Variants in FHIT observed in about 807,000 individuals in gnomAD.
The protein encoded by FHIT is fragile histidine triad diadenosine triphosphatase, also known as bis(5'-adenosyl)-triphosphatase.
A neutral mutation model predicts 17.9 loss-of-function variants in FHIT; 19 were observed. The observed-to-expected ratio is 1.06, with a 90% CI of 0.74 to 1.56. FHIT has a LOEUF of 1.56. Among genes scored for constraint, FHIT ranks in the 40% most tolerant of loss-of-function variants. The pLI, the probability that FHIT is intolerant of heterozygous loss-of-function variation, is 0.00. For missense variants in FHIT, 248 were observed against 189.2 expected, an observed-to-expected ratio of 1.31 and a Z score of -1.82; for synonymous variants, 81 against 69.7, an observed-to-expected ratio of 1.16 and a Z score of -0.81.
At chr3:60,235,576 C>T (rs1704740576) in intron 5 of FHIT, among the ~76,000 whole-genome samples, 1 of 152,122 alleles carries the variant, frequency 6.6e-6, no homozygotes, top group Non-Finnish European at 1.5e-5. Context: ...GTTTGAGAAA[C>T]TCAAGAAGGA....
intron 5 of FHIT, among the ~76,000 whole-genome samples, chr3:60,499,402 G>C (rs1292031589): frequency 6.6e-6 from 1 of 151,976 alleles, no homozygotes; most frequent in Non-Finnish European, 1.5e-5. Flanking sequence ...ACAGGTCTTC[G>C]TGTTTTTGAA....
At chr3:60,562,291 G>A (rs1377020876) in intron 4 of FHIT, among the ~76,000 whole-genome samples, 1 of 152,114 alleles carries the variant, frequency 6.6e-6, no homozygotes, top group Non-Finnish European at 1.5e-5. Flanking sequence ...CTGATCCAGG[G>A]GGAAAAGACT....
intron 5 of FHIT, among the ~76,000 whole-genome samples, chr3:60,251,458 TAC>T (rs1705707694): frequency 6.6e-6 from 1 of 152,172 alleles, no homozygotes; most frequent in African/African-American, 2.4e-5. Context: ...GAAAAATAAT[TAC>T]AGTTAGTTGT....
chr3:60,307,601 G>A (rs1044136889), intron 5 of FHIT, among the ~76,000 whole-genome samples: 1 of 152,158 alleles, frequency 6.6e-6, no homozygotes, highest in Non-Finnish European at 1.5e-5. Flanking sequence ...TATCCTTGAT[G>A]TCTCACAGGT....
intron 8 of FHIT, among the ~76,000 whole-genome samples, chr3:59,865,035 A>G (rs1702580640): frequency 6.6e-6 from 1 of 152,138 alleles, no homozygotes; most frequent in Non-Finnish European, 1.5e-5. Context: ...GAAACTGCCC[A>G]TTTCTGACTC....
chr3:59,991,712 C>T (rs1709242422), intron 7 of FHIT, among the ~76,000 whole-genome samples: 2 of 152,034 alleles, frequency 1.3e-5, no homozygotes, highest in Admixed American at 1.3e-4. Context: ...TTTTTATGCT[C>T]AGACCCTGCA....
At chr3:60,689,353 T>C (rs1553699123) in intron 4 of FHIT, among the ~76,000 whole-genome samples, 3 of 152,296 alleles carry the variant, frequency 2.0e-5, no homozygotes, top group East Asian at 1.9e-4. Context: ...ATACTGAATA[T>C]GTACAGACAT....
intron 5 of FHIT, among the ~76,000 whole-genome samples, chr3:60,328,683 A>T (rs1409702253): frequency 6.6e-6 from 1 of 152,208 alleles, no homozygotes; most frequent in Admixed American, 6.5e-5. Flanking sequence ...AAAACTTCAG[A>T]TTCCATACAC....
chr3:60,727,228 C>G (rs1330601929), intron 4 of FHIT, among the ~76,000 whole-genome samples: 2 of 151,998 alleles, frequency 1.3e-5, no homozygotes, highest in Admixed American at 6.5e-5. Context: ...GTAATAAAAG[C>G]TCACAATATA....
intron 2 of FHIT, among the ~76,000 whole-genome samples, chr3:61,193,388 C>T (rs796840226): frequency 9.9e-5 from 15 of 152,270 alleles, no homozygotes; most frequent in African/African-American, 3.4e-4. Context: ...GGCCTTGAAG[C>T]CACAGCGAAA....
At chr3:61,017,043 T>C (rs1390842852) in intron 3 of FHIT, among the ~76,000 whole-genome samples, 2 of 152,232 alleles carry the variant, frequency 1.3e-5, no homozygotes, top group East Asian at 3.9e-4. Context: ...TCCCAGCACT[T>C]TGGGAGGCCG....
intron 3 of FHIT, among the ~76,000 whole-genome samples, chr3:60,922,608 C>A (rs578232304): frequency 6.6e-6 from 1 of 152,246 alleles, no homozygotes; most frequent in East Asian, 1.9e-4. Flanking sequence ...TCTATCTGCT[C>A]AAATTTTTAA....
chr3:60,657,878 T>A (rs2040154372), intron 4 of FHIT, among the ~76,000 whole-genome samples: 1 of 152,212 alleles, frequency 6.6e-6, no homozygotes, highest in Non-Finnish European at 1.5e-5. Flanking sequence ...GATCCAATTT[T>A]TCTGCATCCT....
chr3:60,344,762 C>T (rs370455890), intron 5 of FHIT, among the ~76,000 whole-genome samples: 4 of 152,002 alleles, frequency 2.6e-5, no homozygotes, highest in East Asian at 1.9e-4. Context: ...ATAAGCCACA[C>T]GAAAACTGTA....
Position 60,578,739 on chromosome 3 carries a change from C to G in FHIT, c.-17-41760G>C, listed in dbSNP as rs117066644. 2.5e-3 allele frequency among the ~76,000 whole-genome samples: 376 copies of G among 152,130 alleles called. 6 individuals are homozygous for G. In the East Asian group the frequency reaches 0.044, roughly 18 times the overall value. ...TATTGCTGATCCTAATGTTAATATT[C>G]TAAAATAAATGAAACATTTTTGAAG... On this transcript the variant is annotated intron_variant, in intron 4 of 9. Transcript: ENST00000492590.
rs541884097 is a variant in FHIT at position 60,088,918 on chromosome 3, C to T, written c.104-74766G>A. The stretch of plus-strand genomic sequence containing the variant: ...TTTATTAAATGAAAAAATACCCAGA[C>T]TTGGTTAGGAAAGACTATGTAAGGC... On this transcript the variant is annotated intron_variant, in intron 5 of 9. Coordinates refer to ENST00000492590, the MANE Select transcript of FHIT (RefSeq NM_002012.4). Among the ~76,000 whole-genome samples the T allele has an allele frequency of 7.5e-4, 114 of 152,252 alleles. 2 individuals carry two copies. The highest frequency in any genetic ancestry group is 7.5e-3 in the Admixed American group (114 of 15,300).
chr3:60,018,339 C>G (rs13070043), intron 5 of FHIT, among the ~76,000 whole-genome samples: 1 of 152,172 alleles, frequency 6.6e-6, no homozygotes, highest in Non-Finnish European at 1.5e-5. Flanking sequence ...CCATTAGACC[C>G]TACCGCCAAC....
chr3:59,849,225 T>G (rs548656777), intron 8 of FHIT, among the ~76,000 whole-genome samples: 1 of 152,022 alleles, frequency 6.6e-6, no homozygotes, highest in East Asian at 1.9e-4. Flanking sequence ...ATACAAAAAT[T>G]AGACAGGTGT....
chr3:60,104,723 G>A (rs1255573067), intron 5 of FHIT, among the ~76,000 whole-genome samples: 1 of 152,018 alleles, frequency 6.6e-6, no homozygotes, highest in Non-Finnish European at 1.5e-5. Flanking sequence ...TTCTCTTTAA[G>A]ACAGATAAAA....
Sources: gnomAD v4.1 joint callset for allele counts (sites outside exome capture counted in the v4.1 genomes callset) on GRCh38, gnomAD v4.1.1 for gene constraint, MANE v1.5 for transcripts, NCBI Gene and HGNC (gene_info 2026-07-23, HGNC 2026-07-21) for gene names.